KDR: variants seen among roughly 807,000 people sequenced by gnomAD.
The protein encoded by KDR is vascular endothelial growth factor receptor 2.
In KDR, 43 loss-of-function variants were observed where a neutral mutation model predicts 160.9. That is an observed-to-expected ratio of 0.27 (90% confidence interval 0.21 to 0.34). The LOEUF (loss-of-function observed/expected upper bound fraction) is 0.34, where lower values mean the gene tolerates loss of function less well. KDR is among the 10% of genes least tolerant of loss of function. KDR has a pLI of 1.00. For synonymous variants in KDR, 617 were observed against 600.1 expected, an observed-to-expected ratio of 1.03 and a Z score of -0.41; for missense variants, 1,469 against 1,666.4, an observed-to-expected ratio of 0.88 and a Z score of 2.06.
At position 55,098,286 on chromosome 4, in the gene KDR, A is replaced by G. The variant is rs373566947; in HGVS notation, c.2374-14T>C. 30 of 1,613,422 alleles carry G rather than the reference A, an allele frequency of 1.9e-5. No homozygotes were observed. The highest frequency in any genetic ancestry group is 1.6e-4 in the Middle Eastern group (1 of 6,080). ...CCCTCCATTGGCCTGGAAAGCATCA[A>G]TCCTTCCAGTCATAAACACACTGTT... On this transcript the variant is annotated splice_polypyrimidine_tract_variant and intron_variant, in intron 16 of 29. Coordinates refer to ENST00000263923, the MANE Select transcript of KDR (RefSeq NM_002253.4).
chr4:55,109,910 AAAG>A (rs1184383205), intron 9 of KDR, among the ~76,000 whole-genome samples: 1 of 152,184 alleles, frequency 6.6e-6, no homozygotes, highest in Non-Finnish European at 1.5e-5. Context: ...AAAAAGGAAA[AAAG>A]AAAAGCTCCC....
chr4:55,124,050 G>C (rs978255025), intron 1 of KDR, among the ~76,000 whole-genome samples: 4 of 152,316 alleles, frequency 2.6e-5, no homozygotes, highest in South Asian at 2.1e-4. Flanking sequence ...GCTTGTCTGG[G>C]ACAAATGAGT....
intron 10 of KDR, 103 bp downstream of exon 10, chr4:55,107,634 T>A: frequency 6.8e-7 from 1 of 1,471,866 alleles, no homozygotes; most frequent in Admixed American, 1.7e-5. Flanking sequence ...GAGAGAAAAC[T>A]TTTTTTGGTT....
chr4:55,110,356 T>C lies in KDR; in HGVS notation c.1255+47A>G, dbSNP rs760922069. The C allele has an allele frequency of 6.9e-6, 11 of 1,583,428 alleles. No homozygotes were observed. In the African/African-American group the frequency reaches 1.5e-4, roughly 21 times the overall value. Reference sequence around the variant, plus strand: ...GTGGTTTGGCTGATTTGGAAGACAATGTATCATAATAAATCTTGGGCAGAG... The same window carrying C: ...GTGGTTTGGCTGATTTGGAAGACAACGTATCATAATAAATCTTGGGCAGAG... On this transcript the variant is annotated intron_variant, in intron 9 of 29. Coordinates refer to ENST00000263923, the MANE Select transcript of KDR (RefSeq NM_002253.4).
chr4:55,102,434 A>G lies in KDR; in HGVS notation c.2062T>C (p.Cys688Arg). The G allele has an allele frequency of 6.2e-7, 1 of 1,613,796 alleles. No individual in the cohort carries two copies. Among genetic ancestry groups the G allele is most frequent in the Non-Finnish European group, 8.5e-7 (1 of 1,179,770 alleles). Residue 688 changes from cysteine (C) to arginine (R), a missense_variant, in exon 14 of 30, where the codon TGC (cysteine) becomes CGC (arginine). This residue lies in a region of KDR where 792 missense variants were observed against 840.9 expected (regional missense o/e 0.94). Coordinates refer to ENST00000263923, the MANE Select transcript of KDR (RefSeq NM_002253.4). ...GGAGGGGGATTCCCAGATGCCGTGC[A>G]TGAGACTTCGATGCTTTCCCCAATA... ...TSIGESIEVSCTASGNPPPQI... is the reference protein window; with the variant it reads ...TSIGESIEVSRTASGNPPPQI...
At chr4:55,091,692 A>T (rs1045704543) in intron 22 of KDR, among the ~76,000 whole-genome samples, 2 of 152,228 alleles carry the variant, frequency 1.3e-5, no homozygotes, top group Non-Finnish European at 2.9e-5. Context: ...TAATTTAGGA[A>T]AAACAAAAAA....
chr4:55,094,969 A>C lies in KDR; in HGVS notation c.2818-14T>G. 1 of 1,613,446 alleles carries C rather than the reference A, an allele frequency of 6.2e-7. No homozygotes were observed. Among genetic ancestry groups the C allele is most frequent in the Non-Finnish European group, 8.5e-7 (1 of 1,179,452 alleles). ...TGCCCCTTTGGTCTATAAAAAAGCA[A>C]AGGAACAAACAAACTCCTTGAATAC... On this transcript the variant is annotated splice_polypyrimidine_tract_variant and intron_variant, in intron 20 of 29. Transcript: ENST00000263923.
At chr4:55,085,421 TAGA>T (rs1208986652) in intron 27 of KDR, among the ~76,000 whole-genome samples, 3 of 152,164 alleles carry the variant, frequency 2.0e-5, no homozygotes, top group Non-Finnish European at 4.4e-5. Context: ...AATTGAAAAT[TAGA>T]AGGAGAAAGA....
intron 25 of KDR, 82 bp downstream of exon 25, chr4:55,089,292 G>A (rs957902978): frequency 3.8e-5 from 37 of 968,198 alleles, no homozygotes; most frequent in Non-Finnish European, 6.0e-5. Context: ...AATGAAGAAG[G>A]TCTATATAAT....
chr4:55,118,179 C>CA (rs1720780398), intron 3 of KDR, among the ~76,000 whole-genome samples: 3 of 152,228 alleles, frequency 2.0e-5, no homozygotes, highest in South Asian at 2.1e-4. Flanking sequence ...GAGCCCTTGG[C>CA]AAAAAATGCT....
intron 21 of KDR, 53 bp from the exon 22 acceptor site, chr4:55,092,767 T>C (rs1720051702): frequency 7.9e-7 from 1 of 1,262,564 alleles, no homozygotes; most frequent in South Asian, 1.2e-5. Flanking sequence ...GTTAGTGTGA[T>C]GTTTCTAAGT....
intron 14 of KDR, 86 bp downstream of exon 14, chr4:55,102,276 C>T: frequency 6.7e-7 from 1 of 1,487,910 alleles, no homozygotes; most frequent in Non-Finnish European, 9.4e-7. Context: ...TTTTTTTCTA[C>T]ATTACATCAA....
At chr4:55,100,002 A>C (rs2110019133) in intron 15 of KDR, among the ~76,000 whole-genome samples, 1 of 152,326 alleles carries the variant, frequency 6.6e-6, no homozygotes, top group South Asian at 2.1e-4. Flanking sequence ...GCTTCAGAGG[A>C]CAGCTCTGAG....
At position 55,096,311 on chromosome 4, in the gene KDR, G is replaced by A; in HGVS notation, c.2646C>T (p.Leu882=). The A allele has an allele frequency of 1.2e-6, 2 of 1,613,298 alleles. No homozygotes were observed. Among genetic ancestry groups the A allele is most frequent in the South Asian group, 2.2e-5 (2 of 91,072 alleles). The change falls in exon 19 of 30, where the codon CTC becomes CTT. Residue 882 remains leucine (L), a synonymous_variant. Transcript: ENST00000263923. ...EGATHSEHRA[L]MSELKILIHI... is the part of the protein sequence containing the mutation. The stretch of plus-strand genomic sequence containing the variant: ...GAATGAGGATCTTGAGTTCAGACAT[G>A]AGAGCTCGATGCTCACTGTGTGTTG...
intron 1 of KDR, among the ~76,000 whole-genome samples, chr4:55,123,966 C>CA (rs1720962231): frequency 6.6e-6 from 1 of 152,224 alleles, no homozygotes; most frequent in Admixed American, 6.5e-5. Flanking sequence ...AAAAGCAACT[C>CA]ACTTCTTTGT....
rs750554254 is a variant in KDR at position 55,114,147 on chromosome 4, G to C, written c.777C>G (p.Asn259Lys). The C allele has an allele frequency of 6.2e-7, 1 of 1,613,816 alleles. No individual in the cohort carries two copies. The highest frequency in any genetic ancestry group is 1.3e-5 in the African/African-American group (1 of 74,898). The change falls in exon 6 of 30, where the codon AAC (asparagine) becomes AAG (lysine). Residue 259 changes from asparagine to lysine, a missense_variant. Physicochemically the swap from Asn to Lys is moderately conservative, Grantham distance 94. Coordinates refer to ENST00000263923, the MANE Select transcript of KDR (RefSeq NM_002253.4). ...RTELNVGIDF[N>K]WEYPSSKHQH... is the part of the protein sequence containing the mutation. ...TTACCTTCGAAGAAGGGTATTCCCA[G>C]TTGAAGTCAATCCCCACATTTAGTT...
intron 7 of KDR, among the ~76,000 whole-genome samples, chr4:55,111,901 A>G (rs1046453791): frequency 6.6e-6 from 1 of 152,202 alleles, no homozygotes; most frequent in East Asian, 1.9e-4. Context: ...ACTAAATCAT[A>G]CTTGTTATAG....
chr4:55,123,408 C>T (rs893558501), intron 1 of KDR, among the ~76,000 whole-genome samples: 1 of 152,186 alleles, frequency 6.6e-6, no homozygotes, highest in African/African-American at 2.4e-5. Flanking sequence ...GAAGGTCTCT[C>T]ATAATTTATT....
At chr4:55,125,179 G>T in intron 1 of KDR, 48 bp downstream of exon 1, 14 of 1,551,896 alleles carry the variant, frequency 9.0e-6, no homozygotes, top group Non-Finnish European at 1.2e-5. Context: ...GGTCCTCTCC[G>T]CCCTCACCCG....
Sources: allele counts gnomAD v4.1 joint callset (sites outside exome capture counted in the v4.1 genomes callset), GRCh38; gene constraint gnomAD v4.1.1; regional missense constraint gnomAD v4.1.1; transcripts MANE v1.5; gene names NCBI Gene and HGNC (gene_info 2026-07-23, HGNC 2026-07-21).